The following ARRDC1 variants were observed in gnomAD, a reference collection of about 807,000 sequenced individuals.
ARRDC1 encodes the protein arrestin domain-containing protein 1.
In ARRDC1, 37 loss-of-function variants were observed where a neutral mutation model predicts 40.1. The observed-to-expected ratio is 0.92, with a 90% CI of 0.71 to 1.21. The LOEUF (loss-of-function observed/expected upper bound fraction) is 1.21, where lower values mean the gene tolerates loss of function less well. Among genes scored for constraint, ARRDC1 ranks in the 50% most tolerant of loss-of-function variants. ARRDC1 has a pLI of 0.00. For missense variants in ARRDC1, 641 were observed against 581.9 expected (o/e 1.10, Z -1.04); for synonymous variants, 310 against 262.5 (o/e 1.18, Z -1.75).
chr9:137,610,109 G>C (rs1000876389), intron 1 of ARRDC1, among the ~76,000 whole-genome samples: 2 of 152,094 alleles, frequency 1.3e-5, no homozygotes, highest in Non-Finnish European at 2.9e-5. Context: ...CACTGCGCCC[G>C]GCCGGGTTTT....
At chr9:137,606,149 G>A (rs1842419737) in intron 1 of ARRDC1, among the ~76,000 whole-genome samples, 3 of 151,920 alleles carry the variant, frequency 2.0e-5, no homozygotes, top group Admixed American at 1.3e-4. Flanking sequence ...CGCACCTGCT[G>A]GGCTCCTTCC....
chr9:137,614,990 C>A lies in ARRDC1; in HGVS notation c.1227C>A (p.Gly409=). ...TTCCTCCAGAGTACAGTTCTTGGGGCTACCCCTATGGTGAGTCGACAGCCA... is the reference window on the plus strand; with the variant it reads ...TTCCTCCAGAGTACAGTTCTTGGGGATACCCCTATGGTGAGTCGACAGCCA... ...LILPPEYSSW[G]YPYEAPPSYE... The change falls in exon 7 of 8, where the codon GGC becomes GGA. Residue 409 remains glycine, a synonymous_variant. Coordinates refer to ENST00000371421, the MANE Select transcript of ARRDC1 (RefSeq NM_152285.4). 1 of 1,613,540 alleles carries A rather than the reference C, an allele frequency of 6.2e-7. No individual in the cohort carries two copies. Among genetic ancestry groups the A allele is most frequent in the Non-Finnish European group, 8.5e-7 (1 of 1,179,828 alleles).
chr9:137,615,055 C>G lies in ARRDC1; in HGVS notation c.1238-19C>G. 1.2e-6 allele frequency: 2 copies of G among 1,608,600 alleles called. No homozygotes were observed. The highest frequency in any genetic ancestry group is 1.7e-6 in the Non-Finnish European group (2 of 1,177,082). On this transcript the variant is annotated intron_variant, in intron 7 of 7. Transcript: ENST00000371421. ...GGGGACGCCAAGAGCCCCACGCAGA[C>G]CCTGCTTTCTTCCCGCAGAGGCCCC...
At position 137,605,757 on chromosome 9, in the gene ARRDC1, G is replaced by C; in HGVS notation, c.40G>C (p.Gly14Arg). The C allele has an allele frequency of 7.3e-7, 1 of 1,372,958 alleles. No homozygotes were observed. 85.0% of individuals were successfully genotyped at this position (1,372,958 alleles called of 1,614,324 possible). A position where few individuals can be genotyped will look rare whatever the true frequency, so the allele number is the denominator to read the frequency against. ...GCTCTTCGAGATCAGCCTGAGCCACGGCCGCGTCGTCTACAGCCCCGGGGA... is the reference window on the plus strand; with the variant it reads ...GCTCTTCGAGATCAGCCTGAGCCACCGCCGCGTCGTCTACAGCCCCGGGGA... ...VQLFEISLSH[G>R]RVVYSPGEPL... The change falls in exon 1 of 8, where the codon GGC (glycine) becomes CGC (arginine). Residue 14 changes from glycine to arginine, a missense_variant. Transcript: ENST00000371421.
At position 137,613,726 on chromosome 9, in the gene ARRDC1, A is replaced by T. The variant is rs200162693; in HGVS notation, c.392A>T (p.Tyr131Phe). The change falls in exon 4 of 8, where the codon TAT (tyrosine) becomes TTT (phenylalanine). Residue 131 changes from tyrosine (Y) to phenylalanine (F), a missense_variant. Coordinates refer to ENST00000371421, the MANE Select transcript of ARRDC1 (RefSeq NM_152285.4). ...GATCACAAGTGCAGCCTCGTGTTCT[A>T]TATCTTGAGCCCCTTGAACCTGAAC... is the stretch of plus-strand genomic sequence containing the variant. ...SKDHKCSLVF[Y>F]ILSPLNLNSI... is the part of the protein sequence containing the mutation. The T allele has an allele frequency of 4.3e-6, 7 of 1,614,204 alleles. No homozygotes were observed. In the Admixed American group the frequency reaches 1.0e-4, roughly 23 times the overall value.
At chr9:137,606,309 G>T (rs954337975) in intron 1 of ARRDC1, among the ~76,000 whole-genome samples, 2 of 152,194 alleles carry the variant, frequency 1.3e-5, no homozygotes, top group Admixed American at 6.5e-5. Context: ...CGAGGTGGAC[G>T]CCTGGGCCTC....
At position 137,613,597 on chromosome 9, in the gene ARRDC1, T is replaced by C. The variant is rs773796388; in HGVS notation, c.281-18T>C. On this transcript the variant is annotated intron_variant, in intron 3 of 7. Transcript: ENST00000371421. ...AGGGTGGAAGGCAGCCAGGTACCAG[T>C]GCCTGCTCTCTCCCCAGCCACTGCA... is the stretch of plus-strand genomic sequence containing the variant. The C allele has an allele frequency of 6.2e-7, 1 of 1,614,162 alleles. No individual in the cohort carries two copies. Among genetic ancestry groups the C allele is most frequent in the Non-Finnish European group, 8.5e-7 (1 of 1,180,016 alleles).
In ARRDC1 at chr9:137,614,776, G is replaced by A; in HGVS notation, c.1013G>A (p.Ser338Asn). The A allele has an allele frequency of 6.2e-7, 1 of 1,611,946 alleles. No individual in the cohort carries two copies. The highest frequency in any genetic ancestry group is 8.5e-7 in the Non-Finnish European group (1 of 1,179,160). Residue 338 changes from serine to asparagine, a missense_variant, in exon 7 of 8, where the codon AGC becomes AAC. Ser to Asn is a conservative substitution (Grantham distance 46). Transcript: ENST00000371421. ...FLDPVFLSTK[S>N]HSQRQPLLAT... Reference sequence around the variant, plus strand: ...GACCCCGTCTTCCTCTCCACCAAGAGCCATTCGCAGCGGCAGCCCCTGCTG... The same window carrying A: ...GACCCCGTCTTCCTCTCCACCAAGAACCATTCGCAGCGGCAGCCCCTGCTG...
In ARRDC1 at chr9:137,613,765, T is replaced by G; in HGVS notation, c.431T>G (p.Ile144Ser). The change falls in exon 4 of 8, where the codon ATT becomes AGT. Residue 144 changes from isoleucine (I) to serine (S), a missense_variant. By Grantham distance (142) the Ile-to-Ser change is moderately radical. Transcript: ENST00000371421. ...SPLNLNSIPDIEQPNVASATK... is the reference protein window; with the variant it reads ...SPLNLNSIPDSEQPNVASATK... ...TTGAACCTGAACAGCATCCCAGACATTGAGGTGAGGATGGCACAGTGACCT... is the reference window on the plus strand; with the variant it reads ...TTGAACCTGAACAGCATCCCAGACAGTGAGGTGAGGATGGCACAGTGACCT... 6.2e-7 allele frequency: 1 copy of G among 1,614,058 alleles called. No homozygotes were observed. Among genetic ancestry groups the G allele is most frequent in the African/African-American group, 1.3e-5 (1 of 75,038 alleles).
chr9:137,611,153 GTC>G (rs1842508997), intron 1 of ARRDC1, among the ~76,000 whole-genome samples: 1 of 152,226 alleles, frequency 6.6e-6, no homozygotes, highest in South Asian at 2.1e-4. Context: ...CTGTTGGGCT[GTC>G]TGCTGGTCCA....
chr9:137,612,849 C>T, intron 1 of ARRDC1, 47 bp from the exon 2 acceptor site: 1 of 1,476,390 alleles, frequency 6.8e-7, no homozygotes, highest in Non-Finnish European at 9.4e-7. Flanking sequence ...CAAGCAGGGG[C>T]CTGGGCCGTC....
intron 1 of ARRDC1, chr9:137,611,306 T>C (rs893591285): frequency 1.3e-5 from 2 of 152,330 alleles, no homozygotes; most frequent in African/African-American, 2.4e-5. Flanking sequence ...CCCAACACTT[T>C]GGGAGGCTGA....
chr9:137,614,084 C>T lies in ARRDC1; in HGVS notation c.488C>T (p.Thr163Met), dbSNP rs749708585. The T allele has an allele frequency of 4.2e-5, 68 of 1,613,740 alleles. No individual in the cohort carries two copies. The highest frequency in any genetic ancestry group is 1.2e-4 in the South Asian group (11 of 91,090). Residue 163 changes from threonine (T) to methionine (M), a missense_variant, in exon 5 of 8, where the codon ACG (threonine) becomes ATG (methionine). By Grantham distance (81) the Thr-to-Met change is moderately conservative. Transcript: ENST00000371421. ...TKKFSYKLVK[T>M]GSVVLTASTD... ...AAGTTCTCCTACAAGCTGGTGAAGACGGGCAGCGTGGTCCTCACAGCCAGC... is the reference window on the plus strand; with the variant it reads ...AAGTTCTCCTACAAGCTGGTGAAGATGGGCAGCGTGGTCCTCACAGCCAGC...
intron 1 of ARRDC1, among the ~76,000 whole-genome samples, chr9:137,610,767 C>T (rs1446909925): frequency 1.2e-4 from 18 of 152,156 alleles, no homozygotes; most frequent in African/African-American, 3.6e-4. Context: ...TTCTCCATGT[C>T]GGTCAGGCTG....
At position 137,612,971 on chromosome 9, in the gene ARRDC1, G is replaced by C. The variant is rs775431066; in HGVS notation, c.194G>C (p.Gly65Ala). The change falls in exon 2 of 8, where the codon GGT becomes GCT. Residue 65 changes from glycine (G) to alanine (A), a missense_variant. Transcript: ENST00000371421. ...GACACAGCGTGGGTAGTGGAGGAGG[G>C]TTACTTCAACAGTTCCCTGTCGCTG... ...ANDTAWVVEE[G>A]YFNSSLSLAD... 1 of 1,614,092 alleles carries C rather than the reference G, an allele frequency of 6.2e-7. No individual in the cohort carries two copies. The highest frequency in any genetic ancestry group is 8.5e-7 in the Non-Finnish European group (1 of 1,180,022).
rs142271866 is a variant in ARRDC1, at chr9:137,613,646, C to G, written c.312C>G (p.Phe104Leu). The G allele has an allele frequency of 6.2e-7, 1 of 1,614,082 alleles. No homozygotes were observed. Among genetic ancestry groups the G allele is most frequent in the East Asian group, 2.2e-5 (1 of 44,900 alleles). Residue 104 changes from phenylalanine (F) to leucine (L), a missense_variant, in exon 4 of 8, where the codon TTC becomes TTG. Coordinates refer to ENST00000371421, the MANE Select transcript of ARRDC1 (RefSeq NM_152285.4). The stretch of plus-strand genomic sequence containing the variant: ...CACCCACGTCCTTTGAGGGTCCTTT[C>G]GGGAAGATCGTGCACCAGGTGAGGG... The part of the protein sequence containing the change: ...ATAPTSFEGP[F>L]GKIVHQVRAA...
At chr9:137,608,654 G>A (rs1220527083) in intron 1 of ARRDC1, among the ~76,000 whole-genome samples, 2 of 152,276 alleles carry the variant, frequency 1.3e-5, no homozygotes, top group African/African-American at 2.4e-5. Context: ...AAACATGGCC[G>A]CTGCCATTGG....
intron 1 of ARRDC1, among the ~76,000 whole-genome samples, chr9:137,608,787 C>T (rs1842465174): frequency 6.6e-6 from 1 of 152,226 alleles, no homozygotes. Flanking sequence ...GTGCGGGAGC[C>T]CCTTGCCTCC....
chr9:137,612,082 C>T (rs2133336367), intron 1 of ARRDC1: 1 of 152,706 alleles, frequency 6.5e-6, no homozygotes, highest in Non-Finnish European at 1.5e-5. Flanking sequence ...TCTCCCCCAA[C>T]CCCTGCCCAC....
Sources: allele counts gnomAD v4.1 joint callset (sites outside exome capture counted in the v4.1 genomes callset), GRCh38; gene constraint gnomAD v4.1.1; transcripts MANE v1.5; gene names NCBI Gene and HGNC (gene_info 2026-07-23, HGNC 2026-07-21).